PDE1C: variants seen among roughly 807,000 people sequenced by gnomAD.
PDE1C encodes the protein dual specificity calcium/calmodulin-dependent 3',5'-cyclic nucleotide phosphodiesterase 1C.
In PDE1C, 62 loss-of-function variants were observed where a neutral mutation model predicts 93.1. The ratio of observed to expected loss-of-function variants is 0.67; its 90% CI spans 0.54 to 0.82. The LOEUF is 0.82. Among genes scored for constraint, PDE1C ranks in the 40% least tolerant of loss-of-function variants. The pLI, the probability that PDE1C is intolerant of heterozygous loss-of-function variation, is 0.00. For missense variants in PDE1C, 742 were observed against 884.6 expected (o/e 0.84, Z 2.04); for synonymous variants, 325 against 310.1 (o/e 1.05, Z -0.50).
intron 16 of PDE1C, among the ~76,000 whole-genome samples, chr7:31,800,297 T>C (rs541853779): frequency 5.3e-5 from 8 of 151,730 alleles, no homozygotes; most frequent in Admixed American, 1.3e-4. Flanking sequence ...TTTGTGGTCA[T>C]GCCTAATAAA....
the PDE1C span, among the ~76,000 whole-genome samples, chr7:31,622,207 G>C: frequency 7.0e-6 from 1 of 141,922 alleles, no homozygotes; most frequent in Non-Finnish European, 1.5e-5. Context: ...GAGAGAGAAA[G>C]TCAACAAGGA....
chr7:31,652,102 GGT>G, the PDE1C span: 1 of 1,275,406 alleles, frequency 7.8e-7, no homozygotes, highest in South Asian at 1.3e-5. Flanking sequence ...CCACAGGAGA[GGT>G]GCATTAAATG....
chr7:32,024,191 C>G (rs1789095433), intron 2 of PDE1C, among the ~76,000 whole-genome samples: 1 of 151,738 alleles, frequency 6.6e-6, no homozygotes, highest in Admixed American at 6.6e-5. Flanking sequence ...AAACACTGTC[C>G]AAAGAAAAGA....
intron 14 of PDE1C, among the ~76,000 whole-genome samples, chr7:31,822,827 T>C (rs1400478878): frequency 6.6e-6 from 1 of 152,088 alleles, no homozygotes; most frequent in Non-Finnish European, 1.5e-5. Flanking sequence ...TGTAGAGTCT[T>C]CATACTAGAA....
chr7:32,150,254 G>A (rs1405450850), intron 3 of PDE1C, among the ~76,000 whole-genome samples: 3 of 152,188 alleles, frequency 2.0e-5, no homozygotes, highest in African/African-American at 7.2e-5. Context: ...GATAATCGCA[G>A]CCCAGCTCTG....
At chr7:31,819,534 G>T (rs1052865537) in intron 14 of PDE1C, among the ~76,000 whole-genome samples, 1 of 152,068 alleles carries the variant, frequency 6.6e-6, no homozygotes, top group African/African-American at 2.4e-5. Flanking sequence ...GAGATGTGCG[G>T]TTCATTTCTG....
At chr7:31,931,008 G>A (rs573307520) in intron 2 of PDE1C, among the ~76,000 whole-genome samples, 15 of 152,124 alleles carry the variant, frequency 9.9e-5, no homozygotes, top group African/African-American at 1.9e-4. Context: ...CTCAATAGAC[G>A]CAGAAAAGGC....
intron 1 of PDE1C, among the ~76,000 whole-genome samples, chr7:32,294,309 A>C (rs215601): frequency 0.51 from 77,096 of 152,116 alleles, 22,665 homozygotes; most frequent in Admixed American, 0.65. Flanking sequence ...CTCTGTTAGC[A>C]ACACCTCTTC....
chr7:32,288,626 C>T (rs1164003864), intron 1 of PDE1C, among the ~76,000 whole-genome samples: 1 of 152,110 alleles, frequency 6.6e-6, no homozygotes, highest in East Asian at 1.9e-4. Flanking sequence ...GATTCCTCTC[C>T]AATATTAACT....
At chr7:31,806,937 A>G (rs1265137163) in intron 16 of PDE1C, among the ~76,000 whole-genome samples, 1 of 151,944 alleles carries the variant, frequency 6.6e-6, no homozygotes, top group East Asian at 1.9e-4. Context: ...CCTGATCTAC[A>G]TATTTCCTTT....
intron 3 of PDE1C, among the ~76,000 whole-genome samples, chr7:32,156,550 C>T (rs1293221577): frequency 6.6e-6 from 1 of 152,206 alleles, no homozygotes; most frequent in Non-Finnish European, 1.5e-5. Context: ...CACCTCGCCT[C>T]TGCTGGGCCT....
chr7:32,406,243 A>C (rs1447431136), intron 1 of PDE1C, among the ~76,000 whole-genome samples: 1 of 152,190 alleles, frequency 6.6e-6, no homozygotes, highest in African/African-American at 2.4e-5. Context: ...TAAGCTCTAC[A>C]ATGAGCCCAA....
At chr7:32,158,244 C>A (rs2128795816) in intron 3 of PDE1C, among the ~76,000 whole-genome samples, 1 of 152,282 alleles carries the variant, frequency 6.6e-6, no homozygotes, top group South Asian at 2.1e-4. Flanking sequence ...CGCTCTCAGG[C>A]AGTTTATGAT....
At chr7:32,139,541 C>T (rs1052068056) in intron 3 of PDE1C, among the ~76,000 whole-genome samples, 8 of 152,026 alleles carry the variant, frequency 5.3e-5, no homozygotes, top group South Asian at 2.1e-4. Context: ...AAAGGTTTGA[C>T]GTACTCAGAT....
At chr7:32,034,292 T>A (rs537664260) in intron 2 of PDE1C, among the ~76,000 whole-genome samples, 12 of 152,186 alleles carry the variant, frequency 7.9e-5, no homozygotes, top group African/African-American at 2.9e-4. Flanking sequence ...CTGGAGCTTC[T>A]GGTTACCCTC....
At chr7:31,967,574 A>C (rs528182121) in intron 2 of PDE1C, among the ~76,000 whole-genome samples, 1 of 152,330 alleles carries the variant, frequency 6.6e-6, no homozygotes, top group Admixed American at 6.5e-5. Flanking sequence ...TATTCCAATC[A>C]ATAAATAAAG....
intron 1 of PDE1C, among the ~76,000 whole-genome samples, chr7:32,354,691 T>C (rs1048204181): frequency 1.3e-5 from 2 of 152,142 alleles, no homozygotes; most frequent in Non-Finnish European, 2.9e-5. Context: ...TGCCTAGGAA[T>C]TGAGAGATAT....
chr7:32,392,088 A>G (rs567954348), intron 1 of PDE1C, among the ~76,000 whole-genome samples: 2 of 150,258 alleles, frequency 1.3e-5, no homozygotes, highest in African/African-American at 5.0e-5. Context: ...TAGTTAAACT[A>G]TACAAAAAAA....
At chr7:32,240,916 G>T (rs1808500803) in intron 1 of PDE1C, among the ~76,000 whole-genome samples, 1 of 152,200 alleles carries the variant, frequency 6.6e-6, no homozygotes, top group African/African-American at 2.4e-5. Context: ...ATCCACTTCA[G>T]GATTATGGGT....
Sources: allele counts gnomAD v4.1 joint callset (sites outside exome capture counted in the v4.1 genomes callset), GRCh38; gene constraint gnomAD v4.1.1; transcripts MANE v1.5; gene names NCBI Gene and HGNC (gene_info 2026-07-23, HGNC 2026-07-21).